Variants in NDST4 observed in about 807,000 individuals in gnomAD.
NDST4 encodes N-deacetylase and N-sulfotransferase 4, also known as N-heparan sulfate sulfotransferase 4.
NDST4 carries 63 observed loss-of-function variants against 100.8 expected under a neutral mutation model. The observed-to-expected ratio is 0.62, with a 90% CI of 0.51 to 0.77. NDST4 has a LOEUF of 0.77. Ranked by LOEUF, NDST4 falls within the 30% of genes least tolerant of loss-of-function variation. The probability of loss-of-function intolerance (pLI) is 0.00; values close to 1 mark genes in which losing one functional copy is unlikely to be tolerated. For synonymous variants in NDST4, 377 were observed against 361.8 expected, an observed-to-expected ratio of 1.04 and a Z score of -0.48; for missense variants, 943 against 1,018.4, an observed-to-expected ratio of 0.93 and a Z score of 1.01.
chr4:115,036,502 A>C (rs1728236465), intron 2 of NDST4, among the ~76,000 whole-genome samples: 1 of 151,816 alleles, frequency 6.6e-6, no homozygotes, highest in African/African-American at 2.4e-5. Flanking sequence ...ATTCAAAATA[A>C]ATAATTTCAT....
chr4:115,077,015 G>T lies in NDST4; in HGVS notation c.22C>A (p.Arg8=). The change falls in exon 2 of 14, where the codon CGG becomes AGG. Residue 8 remains arginine, a synonymous_variant. Coordinates refer to ENST00000264363, the MANE Select transcript of NDST4 (RefSeq NM_022569.3). MNLIVKL[R]RSFRTLIVLL... is the part of the protein sequence containing the mutation. ...ACAATCAATGTTCGAAAACTTCTCC[G>T]AAGTTTCACAATAAGATTCATTTTT... is the stretch of plus-strand genomic sequence containing the variant. The T allele has an allele frequency of 6.2e-7, 1 of 1,600,150 alleles. No homozygotes were observed. Among genetic ancestry groups the T allele is most frequent in the Non-Finnish European group, 8.5e-7 (1 of 1,175,420 alleles).
intron 11 of NDST4, among the ~76,000 whole-genome samples, chr4:114,837,432 C>A (rs545321065): frequency 5.9e-5 from 9 of 152,178 alleles, no homozygotes; most frequent in African/African-American, 2.2e-4. Flanking sequence ...AACTATAGTA[C>A]AAGGCTACAG....
intron 6 of NDST4, among the ~76,000 whole-genome samples, chr4:114,933,432 C>CTTTTTTTTTTTTTTTTTCCTTTTT (rs1725555563): frequency 3.4e-5 from 3 of 89,278 alleles, no homozygotes; most frequent in Non-Finnish European, 6.3e-5. Context: ...TTTTCTTTTC[C>CTTTTTTTTTTTTTTTTTCCTTTTT]TTTTTTTTTT....
At chr4:115,031,962 G>A (rs1334631029) in intron 2 of NDST4, among the ~76,000 whole-genome samples, 2 of 151,916 alleles carry the variant, frequency 1.3e-5, no homozygotes, top group Non-Finnish European at 2.9e-5. Context: ...TGAAGACCAG[G>A]GCATCAGAAA....
At chr4:115,033,479 T>C (rs1397241773) in intron 2 of NDST4, among the ~76,000 whole-genome samples, 1 of 152,028 alleles carries the variant, frequency 6.6e-6, no homozygotes, top group Non-Finnish European at 1.5e-5. Context: ...TTATTCATAA[T>C]ATTGATTAAA....
At chr4:114,904,743 A>G (rs1724914926) in intron 6 of NDST4, among the ~76,000 whole-genome samples, 1 of 151,940 alleles carries the variant, frequency 6.6e-6, no homozygotes, top group South Asian at 2.1e-4. Context: ...GTTAATAGCA[A>G]TAATATTAAA....
intron 6 of NDST4, among the ~76,000 whole-genome samples, chr4:114,934,790 T>C (rs1207144261): frequency 6.6e-6 from 1 of 151,956 alleles, no homozygotes; most frequent in Non-Finnish European, 1.5e-5. Flanking sequence ...GAGATGATAG[T>C]ATGTTAATTA....
chr4:115,022,357 CGTACATATGTGTTCCAT>C (rs1727858888), intron 2 of NDST4, among the ~76,000 whole-genome samples: 1 of 93,056 alleles, frequency 1.1e-5, no homozygotes, highest in African/African-American at 5.0e-5. Context: ...ATGTGTTCCA[CGTACATATGTGTTCCAT>C]GTACATATGT....
chr4:114,848,243 C>T lies in NDST4; in HGVS notation c.1912G>A (p.Gly638Ser). The T allele has an allele frequency of 6.2e-7, 1 of 1,608,168 alleles. No individual in the cohort carries two copies. Among genetic ancestry groups the T allele is most frequent in the Non-Finnish European group, 8.5e-7 (1 of 1,177,782 alleles). The change falls in exon 9 of 14, where the codon GGC (glycine) becomes AGC (serine). Residue 638 changes from glycine to serine, a missense_variant. Gly to Ser is a moderately conservative substitution (Grantham distance 56). Coordinates refer to ENST00000264363, the MANE Select transcript of NDST4 (RefSeq NM_022569.3). ...KTFEEVQFFNGNNYHKGIDWY... is the reference protein window; with the variant it reads ...KTFEEVQFFNSNNYHKGIDWY... ...TCTATTCCTTTGTGATAGTTGTTGC[C>T]ATTAAAGAACTGAACTTCCTCAAAT...
At chr4:114,927,571 A>G (rs947799908) in intron 6 of NDST4, among the ~76,000 whole-genome samples, 1 of 152,060 alleles carries the variant, frequency 6.6e-6, no homozygotes, top group Non-Finnish European at 1.5e-5. Context: ...TAATTCTAAT[A>G]TGCTAACAAA....
chr4:115,021,292 CATATTCCATATAT>C (rs1560863231), intron 2 of NDST4, among the ~76,000 whole-genome samples: 1,439 of 136,494 alleles, frequency 0.011, 37 homozygotes, highest in African/African-American at 0.037. Context: ...TCCACATATA[CATATTCCATATAT>C]ATATTCCACA....
rs1314344767 is a variant in NDST4, at chr4:114,918,334, ACT to A, written c.1536+16870_1536+16871del. On this transcript the variant is annotated intron_variant, in intron 6 of 13. Transcript: ENST00000264363. Reference sequence around the variant, plus strand: ...AAAGATGTTGTAAAAGTGTGTCAGGACTTCCCTTTCTAGAATCAAACCACAGG... The same window carrying A: ...AAAGATGTTGTAAAAGTGTGTCAGGATCCCTTTCTAGAATCAAACCACAGG... Among the ~76,000 whole-genome samples the A allele has an allele frequency of 3.5e-5, 5 of 140,886 alleles. No individual in the cohort carries two copies. The East Asian group carries it at 1.1e-3, about 30-fold the overall frequency. The allele number at this position is 140,886 out of a possible 152,430, so 92.4% of individuals were successfully genotyped here. A position where few individuals can be genotyped will look rare whatever the true frequency, so the allele number is the denominator to read the frequency against.
chr4:114,986,830 A>ATATATTTATTTATT (rs1553959396), intron 2 of NDST4, among the ~76,000 whole-genome samples: 87 of 91,954 alleles, frequency 9.5e-4, no homozygotes, highest in African/African-American at 3.3e-3. Flanking sequence ...ATATATATAT[A>ATATATTTATTTATT]TATTTTAATA....
At chr4:115,018,276 T>C (rs1234063150) in intron 2 of NDST4, among the ~76,000 whole-genome samples, 1 of 151,942 alleles carries the variant, frequency 6.6e-6, no homozygotes, top group East Asian at 1.9e-4. Context: ...AAACTAGTCA[T>C]TGACTAGTAT....
intron 6 of NDST4, among the ~76,000 whole-genome samples, chr4:114,882,579 A>G (rs903135418): frequency 6.6e-6 from 1 of 152,068 alleles, no homozygotes; most frequent in Non-Finnish European, 1.5e-5. Context: ...ACTAAAGTAC[A>G]AAGAGAAAAA....
intron 6 of NDST4, among the ~76,000 whole-genome samples, chr4:114,907,830 T>A (rs952668926): frequency 2.6e-5 from 4 of 151,910 alleles, no homozygotes; most frequent in Non-Finnish European, 5.9e-5. Flanking sequence ...CTTATAGGCA[T>A]GAGAAAAAAA....
chr4:114,911,757 A>G (rs908585713), intron 6 of NDST4, among the ~76,000 whole-genome samples: 2 of 152,166 alleles, frequency 1.3e-5, no homozygotes, highest in African/African-American at 4.8e-5. Context: ...TAAATTGCTA[A>G]GTGACAATTT....
At chr4:114,854,882 T>C (rs546187788) in intron 7 of NDST4, among the ~76,000 whole-genome samples, 1 of 152,334 alleles carries the variant, frequency 6.6e-6, no homozygotes, top group South Asian at 2.1e-4. Flanking sequence ...GTTGTACTAA[T>C]TTACATTCCC....
rs1723903719 is a variant in NDST4, at chr4:114,860,853, C to A, written c.1720-8032G>T. ...ATGTGAATCAATGCATTGCTTGTTT[C>A]AAAAAGAACATTCTGTTACAAGATA... On this transcript the variant is annotated intron_variant, in intron 7 of 13. Coordinates refer to ENST00000264363, the MANE Select transcript of NDST4 (RefSeq NM_022569.3). 1.3e-5 allele frequency among the ~76,000 whole-genome samples: 2 copies of A among 152,056 alleles called. 1 individual carries two copies. The highest frequency in any genetic ancestry group is 4.2e-4 in the South Asian group (2 of 4,816).
Sources: gnomAD v4.1 joint callset for allele counts (sites outside exome capture counted in the v4.1 genomes callset) on GRCh38, gnomAD v4.1.1 for gene constraint, MANE v1.5 for transcripts, NCBI Gene and HGNC (gene_info 2026-07-23, HGNC 2026-07-21) for gene names.